The following MAGI2 variants were observed in gnomAD, a reference collection of about 807,000 sequenced individuals.
The protein encoded by MAGI2 is membrane-associated guanylate kinase, WW and PDZ domain-containing protein 2.
Under a neutral mutation model 133.3 loss-of-function variants are expected in MAGI2, and 35 were observed. That is an observed-to-expected ratio of 0.26 (90% CI 0.20 to 0.35). The LOEUF (loss-of-function observed/expected upper bound fraction) is 0.35, where lower values mean the gene tolerates loss of function less well. Ranked by LOEUF, MAGI2 falls within the 10% of genes least tolerant of loss-of-function variation. The probability of loss-of-function intolerance (pLI) is 1.00; values close to 1 mark genes in which losing one functional copy is unlikely to be tolerated. For synonymous variants in MAGI2, 729 were observed against 710.6 expected (o/e 1.03, Z -0.41); for missense variants, 1,636 against 1,863.4 (o/e 0.88, Z 2.25).
intron 1 of MAGI2, among the ~76,000 whole-genome samples, chr7:79,290,983 G>C (rs1162530911): frequency 6.6e-6 from 1 of 152,066 alleles, no homozygotes; most frequent in East Asian, 1.9e-4. Flanking sequence ...CTTTTAGTTA[G>C]TCACAGAATT....
At chr7:78,281,021 A>C (rs528153131) in intron 9 of MAGI2, among the ~76,000 whole-genome samples, 10 of 152,154 alleles carry the variant, frequency 6.6e-5, no homozygotes. Flanking sequence ...TTTACCTGCT[A>C]TCCTTCAAAG....
chr7:78,538,100 A>G (rs142885334), intron 3 of MAGI2, among the ~76,000 whole-genome samples: 3 of 152,176 alleles, frequency 2.0e-5, no homozygotes, highest in Non-Finnish European at 2.9e-5. Context: ...TTCCCCCTGT[A>G]TGTTTTCATT....
chr7:78,439,105 C>T (rs895809250), intron 6 of MAGI2, among the ~76,000 whole-genome samples: 9 of 152,150 alleles, frequency 5.9e-5, no homozygotes, highest in African/African-American at 1.9e-4. Context: ...GTCTGCCATT[C>T]CAAACACCCA....
At chr7:78,219,238 G>A (rs775604659) in intron 10 of MAGI2, among the ~76,000 whole-genome samples, 1 of 152,172 alleles carries the variant, frequency 6.6e-6, no homozygotes, top group Non-Finnish European at 1.5e-5. Context: ...AATTGGTAGT[G>A]CTGTGTTTCT....
chr7:79,339,666 C>T (rs1023951312), intron 1 of MAGI2, among the ~76,000 whole-genome samples: 3 of 152,106 alleles, frequency 2.0e-5, no homozygotes, highest in African/African-American at 7.2e-5. Context: ...TCCCTGTCAT[C>T]CTTGATTGGC....
intron 2 of MAGI2, among the ~76,000 whole-genome samples, chr7:78,942,529 C>T (rs1254157804): frequency 6.6e-6 from 1 of 152,074 alleles, no homozygotes; most frequent in Non-Finnish European, 1.5e-5. Context: ...TTAGCATTTA[C>T]AAAACTTCTG....
intron 2 of MAGI2, among the ~76,000 whole-genome samples, chr7:78,888,088 C>T (rs1796414964): frequency 1.3e-5 from 2 of 152,218 alleles, no homozygotes; most frequent in African/African-American, 2.4e-5. Flanking sequence ...TTATATCCTG[C>T]ACATGGCTCA....
intron 9 of MAGI2, among the ~76,000 whole-genome samples, chr7:78,290,366 G>A (rs1219701548): frequency 6.6e-6 from 1 of 152,172 alleles, no homozygotes; most frequent in African/African-American, 2.4e-5. Context: ...TTACATAATA[G>A]TAAAGGGATC....
At chr7:79,158,060 C>G (rs760258262) in intron 1 of MAGI2, among the ~76,000 whole-genome samples, 2 of 151,594 alleles carry the variant, frequency 1.3e-5, no homozygotes, top group Non-Finnish European at 2.9e-5. Context: ...GCACGCCAGA[C>G]TTTTTCTCTC....
intron 13 of MAGI2, among the ~76,000 whole-genome samples, chr7:78,182,540 C>A (rs1221452198): frequency 6.6e-6 from 1 of 152,190 alleles, no homozygotes; most frequent in Non-Finnish European, 1.5e-5. Context: ...TTCCTTCCAT[C>A]TCTTTCTAGG....
chr7:78,090,025 C>T (rs1817028842), intron 20 of MAGI2, among the ~76,000 whole-genome samples: 1 of 152,174 alleles, frequency 6.6e-6, no homozygotes, highest in African/African-American at 2.4e-5. Flanking sequence ...CTCCACTCTT[C>T]CTTCCTCGGC....
At chr7:79,414,225 TA>T (rs1470255490) in intron 1 of MAGI2, 2 of 152,202 alleles carry the variant, frequency 1.3e-5, no homozygotes, top group Non-Finnish European at 2.9e-5. Flanking sequence ...AGGCATTCAA[TA>T]AACACACATA....
At chr7:79,309,901 C>A (rs1173912678) in intron 1 of MAGI2, among the ~76,000 whole-genome samples, 2 of 144,696 alleles carry the variant, frequency 1.4e-5, no homozygotes, top group African/African-American at 5.1e-5. Context: ...GAGGCCGAGG[C>A]AGGTGGATCA....
At chr7:78,217,443 T>C (rs1258078873) in intron 10 of MAGI2, among the ~76,000 whole-genome samples, 1 of 152,230 alleles carries the variant, frequency 6.6e-6, no homozygotes, top group Non-Finnish European at 1.5e-5. Flanking sequence ...AAAATGTATT[T>C]TTACCAATAC....
chr7:78,525,892 G>T (rs57025505), intron 3 of MAGI2, among the ~76,000 whole-genome samples: 5,656 of 152,038 alleles, frequency 0.037, 343 homozygotes, highest in African/African-American at 0.13. Context: ...GTATCAAATG[G>T]GGAGTAGAGT....
chr7:79,222,712 T>G (rs897505556), intron 1 of MAGI2, among the ~76,000 whole-genome samples: 4 of 152,056 alleles, frequency 2.6e-5, no homozygotes, highest in Non-Finnish European at 5.9e-5. Context: ...CTTTAAATAT[T>G]CCAAATGTAC....
At chr7:78,698,716 A>T (rs915268193) in intron 2 of MAGI2, among the ~76,000 whole-genome samples, 1 of 152,180 alleles carries the variant, frequency 6.6e-6, no homozygotes, top group Non-Finnish European at 1.5e-5. Context: ...ACTTATAATC[A>T]TGGCAGAAGG....
intron 6 of MAGI2, among the ~76,000 whole-genome samples, chr7:78,461,399 T>TGTGTGTGTGC (rs1554423866): frequency 2.8e-4 from 28 of 100,276 alleles, no homozygotes; most frequent in Middle Eastern, 9.3e-3. Context: ...TGTGCGTGTG[T>TGTGTGTGTGC]GTGTGTGTGT....
chr7:79,229,980 C>T (rs1474391781), intron 1 of MAGI2, among the ~76,000 whole-genome samples: 1 of 125,056 alleles, frequency 8.0e-6, no homozygotes, highest in Non-Finnish European at 1.6e-5. Flanking sequence ...GTGTGATATT[C>T]CCCTTCCTGT....
Sources: allele counts gnomAD v4.1 joint callset (sites outside exome capture counted in the v4.1 genomes callset), GRCh38; gene constraint gnomAD v4.1.1; transcripts MANE v1.5; gene names NCBI Gene and HGNC (gene_info 2026-07-23, HGNC 2026-07-21).